The following SGCZ variants were observed in gnomAD, a reference collection of about 807,000 sequenced individuals.
SGCZ encodes the protein zeta-sarcoglycan.
A neutral mutation model predicts 41.3 loss-of-function variants in SGCZ; 40 were observed. The ratio of observed to expected loss-of-function variants is 0.97; its 90% confidence interval spans 0.75 to 1.26. SGCZ has a LOEUF of 1.26. Among genes scored for constraint, SGCZ ranks in the 50% most tolerant of loss-of-function variants. The pLI is 0.00. For missense variants in SGCZ, 552 were observed against 369.8 expected (o/e 1.49, Z -4.04); for synonymous variants, 206 against 137.5 (o/e 1.50, Z -3.49).
At chr8:14,931,084 C>T (rs1799911828) in intron 1 of SGCZ, among the ~76,000 whole-genome samples, 1 of 152,094 alleles carries the variant, frequency 6.6e-6, no homozygotes, top group Non-Finnish European at 1.5e-5. Context: ...TTCTCAGATT[C>T]CAAATCTGGT....
intron 1 of SGCZ, among the ~76,000 whole-genome samples, chr8:14,799,508 G>T (rs574150107): frequency 1.3e-5 from 2 of 151,984 alleles, no homozygotes; most frequent in Admixed American, 6.6e-5. Flanking sequence ...TCTAACCCTG[G>T]CATGGTGATT....
chr8:14,413,230 C>T (rs1165968977), intron 2 of SGCZ, among the ~76,000 whole-genome samples: 3 of 151,988 alleles, frequency 2.0e-5, no homozygotes, highest in African/African-American at 7.2e-5. Flanking sequence ...CTTCGACAAT[C>T]TCTTAGGTAA....
chr8:14,551,456 TA>T (rs1803809454), intron 2 of SGCZ, among the ~76,000 whole-genome samples: 1 of 4,646 alleles, frequency 2.2e-4, no homozygotes, highest in East Asian at 0.1. Flanking sequence ...ATATATATAT[TA>T]TATATATTAT....
chr8:14,499,997 G>C (rs1003897231), intron 2 of SGCZ, among the ~76,000 whole-genome samples: 1 of 151,928 alleles, frequency 6.6e-6, no homozygotes, highest in Non-Finnish European at 1.5e-5. Flanking sequence ...AAAAAATGAA[G>C]GGACATTTAA....
chr8:14,777,946 G>C (rs1355291991), intron 1 of SGCZ, among the ~76,000 whole-genome samples: 2 of 151,332 alleles, frequency 1.3e-5, no homozygotes, highest in Non-Finnish European at 1.5e-5. Context: ...AAAAAAATTG[G>C]AGACAGGGTC....
At chr8:14,243,712 T>C (rs947943859) in intron 3 of SGCZ, among the ~76,000 whole-genome samples, 4 of 152,162 alleles carry the variant, frequency 2.6e-5, no homozygotes, top group Admixed American at 6.5e-5. Context: ...CTTATCCATG[T>C]CTCTTTATCA....
intron 1 of SGCZ, among the ~76,000 whole-genome samples, chr8:15,078,075 C>T (rs1384116262): frequency 2.0e-5 from 3 of 150,328 alleles, no homozygotes; most frequent in African/African-American, 7.4e-5. Context: ...GGAGGAGGAG[C>T]CTGTCCTCTC....
At chr8:15,127,760 A>T (rs1381145312) in intron 1 of SGCZ, among the ~76,000 whole-genome samples, 1 of 152,228 alleles carries the variant, frequency 6.6e-6, no homozygotes, top group Non-Finnish European at 1.5e-5. Context: ...AATAAAAATA[A>T]TTCAATATTC....
At chr8:15,213,677 A>T (rs1237188529) in intron 1 of SGCZ, among the ~76,000 whole-genome samples, 1 of 151,840 alleles carries the variant, frequency 6.6e-6, no homozygotes, top group Non-Finnish European at 1.5e-5. Context: ...GAAAATAAAT[A>T]ATTTTCACAG....
chr8:14,427,064 ATGAG>A lies in SGCZ; in HGVS notation c.235-102864_235-102861del, dbSNP rs1413497513. On this transcript the variant is annotated intron_variant, in intron 2 of 7. Transcript: ENST00000382080. ...AATGAATGAATGAATGAATGAATGA[ATGAG>A]TGAATGAACGAATGAATGAGTGAAT... is the stretch of plus-strand genomic sequence containing the variant. 7.7e-3 allele frequency among the ~76,000 whole-genome samples: 715 copies of A among 92,870 alleles called. 5 individuals are homozygous for A. The highest frequency in any genetic ancestry group is 9.5e-3 in the Non-Finnish European group (329 of 34,804). The allele number at this position is 92,870 out of a possible 152,430, so 60.9% of individuals were successfully genotyped here.
chr8:14,265,962 G>A (rs941950170), intron 3 of SGCZ, among the ~76,000 whole-genome samples: 3 of 151,940 alleles, frequency 2.0e-5, no homozygotes, highest in African/African-American at 7.2e-5. Context: ...AACAAAGAAA[G>A]TCTAGAGGAA....
At chr8:14,369,439 T>G (rs1422578204) in intron 2 of SGCZ, among the ~76,000 whole-genome samples, 1 of 152,012 alleles carries the variant, frequency 6.6e-6, no homozygotes. Context: ...GAATTCAGAC[T>G]GTGCCCTTCC....
intron 1 of SGCZ, among the ~76,000 whole-genome samples, chr8:14,775,439 G>A (rs1019699661): frequency 1.3e-5 from 2 of 148,904 alleles, no homozygotes; most frequent in Non-Finnish European, 3.0e-5. Context: ...GTGTATGACA[G>A]TATGCTGAGT....
chr8:14,657,914 G>A (rs1483962148), intron 1 of SGCZ, among the ~76,000 whole-genome samples: 1 of 152,252 alleles, frequency 6.6e-6, no homozygotes, highest in African/African-American at 2.4e-5. Flanking sequence ...GATTTCAAAT[G>A]TAGAATTATT....
intron 2 of SGCZ, among the ~76,000 whole-genome samples, chr8:14,510,100 C>G (rs1563376152): frequency 6.6e-6 from 1 of 152,034 alleles, no homozygotes; most frequent in East Asian, 1.9e-4. Flanking sequence ...ATGAAGAAGG[C>G]AGAACAAAGA....
chr8:15,219,835 G>C (rs981254867), intron 1 of SGCZ, among the ~76,000 whole-genome samples: 1 of 152,112 alleles, frequency 6.6e-6, no homozygotes, highest in Non-Finnish European at 1.5e-5. Flanking sequence ...ATTCAAAGGT[G>C]AATTAGTTCA....
intron 3 of SGCZ, among the ~76,000 whole-genome samples, chr8:14,279,882 T>A (rs569325343): frequency 6.6e-6 from 1 of 152,046 alleles, no homozygotes; most frequent in Non-Finnish European, 1.5e-5. Context: ...TAACAACTAG[T>A]CCCTGTGAAA....
At chr8:14,538,233 T>A (rs1021126221) in intron 2 of SGCZ, among the ~76,000 whole-genome samples, 4 of 152,024 alleles carry the variant, frequency 2.6e-5, no homozygotes, top group East Asian at 3.9e-4. Context: ...TGTCTCTGAA[T>A]GCTTTTGATG....
intron 2 of SGCZ, among the ~76,000 whole-genome samples, chr8:14,474,620 TA>T (rs1401438757): frequency 6.6e-6 from 1 of 152,164 alleles, no homozygotes; most frequent in Non-Finnish European, 1.5e-5. Flanking sequence ...AATTAAAACA[TA>T]CAGGTCCATT....
Sources: allele counts gnomAD v4.1 joint callset (sites outside exome capture counted in the v4.1 genomes callset), GRCh38; gene constraint gnomAD v4.1.1; transcripts MANE v1.5; gene names NCBI Gene and HGNC (gene_info 2026-07-23, HGNC 2026-07-21).